The following P2RY8 variants were observed in gnomAD, a reference collection of about 807,000 sequenced individuals.
The protein encoded by P2RY8 is S-geranylgeranyl-glutathione receptor P2RY8.
P2RY8 carries 6 observed loss-of-function variants against 10.0 expected under a neutral mutation model. The observed-to-expected ratio is 0.60, with a 90% CI of 0.33 to 1.19. P2RY8 has a LOEUF of 1.19. Ranked by LOEUF, P2RY8 falls within the 50% of genes most tolerant of loss-of-function variation. P2RY8 has a pLI of 0.04. For synonymous variants in P2RY8, 276 were observed against 252.5 expected, an observed-to-expected ratio of 1.09 and a Z score of -0.88; for missense variants, 456 against 542.0, an observed-to-expected ratio of 0.84 and a Z score of 1.58.
chrX:1,500,326 G>A (rs2092165396), intron 1 of P2RY8, among the ~76,000 whole-genome samples: 1 of 152,016 alleles, frequency 6.6e-6, no homozygotes, highest in Non-Finnish European at 1.5e-5. Flanking sequence ...TGCCCAGGCT[G>A]GAGTGCATTG....
At chrX:1,505,662 C>T (rs1388326226) in intron 1 of P2RY8, among the ~76,000 whole-genome samples, 3 of 151,980 alleles carry the variant, frequency 2.0e-5, no homozygotes, top group Admixed American at 6.6e-5. Flanking sequence ...TGGTGGCGGG[C>T]GCCTGTCATC....
chrX:1,507,034 C>T, intron 1 of P2RY8, among the ~76,000 whole-genome samples: 1 of 21,036 alleles, frequency 4.8e-5, no homozygotes, highest in Non-Finnish European at 1.9e-4. Context: ...TCCATGGATT[C>T]AGGGGTCCTA....
At chrX:1,480,044 T>A (rs750810734) in intron 1 of P2RY8, among the ~76,000 whole-genome samples, 2 of 152,254 alleles carry the variant, frequency 1.3e-5, no homozygotes, top group South Asian at 4.1e-4. Flanking sequence ...ACTGATGAAT[T>A]TTCCCCAACA....
intron 1 of P2RY8, among the ~76,000 whole-genome samples, chrX:1,499,332 A>C (rs5948918): frequency 6.6e-6 from 1 of 151,084 alleles, no homozygotes; most frequent in Admixed American, 6.6e-5. Flanking sequence ...CGCCTGGCCA[A>C]TTTTTATATT....
chrX:1,508,299 G>T (rs1252940957), intron 1 of P2RY8, among the ~76,000 whole-genome samples: 14 of 152,114 alleles, frequency 9.2e-5, no homozygotes, highest in African/African-American at 3.4e-4. Context: ...TGGTCCCCAG[G>T]GGACGCTGGG....
intron 1 of P2RY8, among the ~76,000 whole-genome samples, chrX:1,507,632 G>A (rs1458633721): frequency 5.3e-5 from 8 of 152,070 alleles, no homozygotes; most frequent in East Asian, 1.9e-4. Flanking sequence ...AGCACCCGGC[G>A]GAGTCCCCAC....
intron 1 of P2RY8, among the ~76,000 whole-genome samples, chrX:1,533,625 T>A (rs1313766759): frequency 8.1e-5 from 10 of 123,768 alleles, no homozygotes; most frequent in Middle Eastern, 7.7e-3. Context: ...TATATTTATA[T>A]ATTATTATTT....
chrX:1,465,356 G>T lies in P2RY8; in HGVS notation c.*123C>A. The stretch of plus-strand genomic sequence containing the variant: ...TAAAGCCTGGAGACCCTTCCCCACC[G>T]GGCCTCTGCAGTGCCTGGGAGCAAC... On this transcript the variant is annotated 3_prime_UTR_variant, in exon 2 of 2. Transcript: ENST00000381297. 1 of 1,456,408 alleles carries T rather than the reference G, an allele frequency of 6.9e-7. No homozygotes were observed. Among genetic ancestry groups the T allele is most frequent in the South Asian group, 1.4e-5 (1 of 73,080 alleles). The allele number at this position is 1,456,408 out of a possible 1,614,324, so 90.2% of individuals were successfully genotyped here.
intron 1 of P2RY8, among the ~76,000 whole-genome samples, chrX:1,512,108 G>A (rs1346772574): frequency 2.0e-5 from 3 of 152,118 alleles, no homozygotes; most frequent in Non-Finnish European, 4.4e-5. Flanking sequence ...CTGTGTAAGA[G>A]TGTCCTGGGG....
chrX:1,486,124 A>C (rs1314910096), intron 1 of P2RY8, among the ~76,000 whole-genome samples: 1 of 152,218 alleles, frequency 6.6e-6, no homozygotes, highest in Admixed American at 6.5e-5. Context: ...AGGCTGAGGC[A>C]GGAGAATCGC....
At chrX:1,476,954 C>T (rs1416944084) in intron 1 of P2RY8, among the ~76,000 whole-genome samples, 1 of 151,968 alleles carries the variant, frequency 6.6e-6, no homozygotes, top group African/African-American at 2.4e-5. Flanking sequence ...TTTGGGAGGC[C>T]GAGGTGGGTG....
intron 1 of P2RY8, among the ~76,000 whole-genome samples, chrX:1,474,338 G>A (rs1333069122): frequency 7.5e-6 from 1 of 133,960 alleles, no homozygotes; most frequent in African/African-American, 2.5e-5. Context: ...TAGGTGTATG[G>A]GTGTGTGGAT....
intron 1 of P2RY8, among the ~76,000 whole-genome samples, chrX:1,487,541 C>T (rs2091997734): frequency 6.6e-6 from 1 of 152,044 alleles, no homozygotes; most frequent in Non-Finnish European, 1.5e-5. Context: ...CGCACTCTGC[C>T]TTGCAATAAT....
chrX:1,524,809 CCA>C (rs1569538732), intron 1 of P2RY8, among the ~76,000 whole-genome samples: 1 of 6,132 alleles, frequency 1.6e-4, no homozygotes, highest in Non-Finnish European at 4.3e-4. Flanking sequence ...ATCCACTCAT[CCA>C]TCCATCCATC....
At chrX:1,476,871 T>C (rs1375193964) in intron 1 of P2RY8, among the ~76,000 whole-genome samples, 3 of 151,526 alleles carry the variant, frequency 2.0e-5, no homozygotes, top group Non-Finnish European at 2.9e-5. Flanking sequence ...AGTGCTGAGG[T>C]TGACAACCTG....
intron 1 of P2RY8, among the ~76,000 whole-genome samples, chrX:1,520,512 T>A (rs1401494987): frequency 6.6e-6 from 1 of 151,594 alleles, no homozygotes; most frequent in Non-Finnish European, 1.5e-5. Flanking sequence ...TTCTCTCTGG[T>A]CCCCAATCAT....
intron 1 of P2RY8, among the ~76,000 whole-genome samples, chrX:1,516,863 C>T (rs1300181977): frequency 6.6e-6 from 1 of 151,482 alleles, no homozygotes; most frequent in East Asian, 1.9e-4. Flanking sequence ...GAGGAACCAG[C>T]CCTGCCCGTT....
intron 1 of P2RY8, among the ~76,000 whole-genome samples, chrX:1,516,389 A>G (rs1297562327): frequency 6.6e-6 from 1 of 151,748 alleles, no homozygotes; most frequent in Non-Finnish European, 1.5e-5. Context: ...CTCAGGAGGA[A>G]CCAGCCCTGC....
chrX:1,498,051 C>G (rs1364656949), intron 1 of P2RY8, among the ~76,000 whole-genome samples: 9 of 152,104 alleles, frequency 5.9e-5, no homozygotes, highest in Non-Finnish European at 7.4e-5. Flanking sequence ...CGAGCTGATT[C>G]CTGGTTTGCC....
Sources: allele counts gnomAD v4.1 joint callset (sites outside exome capture counted in the v4.1 genomes callset), GRCh38; gene constraint gnomAD v4.1.1; transcripts MANE v1.5; gene names NCBI Gene and HGNC (gene_info 2026-07-23, HGNC 2026-07-21).